WDR1: variants seen among roughly 807,000 people sequenced by gnomAD.
WDR1 encodes WD repeat domain 1.
A neutral mutation model predicts 71.9 loss-of-function variants in WDR1; 21 were observed. The ratio of observed to expected loss-of-function variants is 0.29; its 90% confidence interval spans 0.21 to 0.42. The LOEUF (loss-of-function observed/expected upper bound fraction) is 0.42. Among genes scored for constraint, WDR1 ranks in the 10% least tolerant of loss-of-function variants. The probability of loss-of-function intolerance (pLI) is 1.00; values close to 1 mark genes in which losing one functional copy is unlikely to be tolerated. For synonymous variants in WDR1, 424 were observed against 347.4 expected (o/e 1.22, Z -2.45); for missense variants, 696 against 824.5 (o/e 0.84, Z 1.91).
At chr4:10,102,874 T>C (rs1366011933) in intron 3 of WDR1, among the ~76,000 whole-genome samples, 1 of 152,196 alleles carries the variant, frequency 6.6e-6, no homozygotes, top group Admixed American at 6.5e-5. Context: ...ATCAGCTTAC[T>C]CACTTGGCCT....
chr4:10,103,043 G>A (rs983012208), intron 3 of WDR1, among the ~76,000 whole-genome samples: 1 of 152,084 alleles, frequency 6.6e-6, no homozygotes, highest in African/African-American at 2.4e-5. Flanking sequence ...AAAGCTCTGC[G>A]TCAAAGAACT....
At position 10,107,451 on chromosome 4, in the gene WDR1, G is replaced by A. The variant is rs138309035; in HGVS notation, c.139-3465C>T. On this transcript the variant is annotated intron_variant, in intron 2 of 14. Coordinates refer to ENST00000499869, the MANE Select transcript of WDR1 (RefSeq NM_017491.5). ...CCCGACCCTGATTACCTCACGGTCC[G>A]GCTTGCAACCCACCCTTCCTGAGCT... 3.7e-4 allele frequency among the ~76,000 whole-genome samples: 57 copies of A among 152,278 alleles called. No homozygotes were observed. In the South Asian group the frequency reaches 6.8e-3, roughly 18 times the overall value.
At chr4:10,088,448 T>C (rs1398964407) in intron 6 of WDR1, 75 bp from the exon 7 acceptor site, 5 of 1,435,584 alleles carry the variant, frequency 3.5e-6, no homozygotes, top group African/African-American at 1.4e-5. Flanking sequence ...CCATGGACTG[T>C]GGCTGTAGAA....
intron 10 of WDR1, among the ~76,000 whole-genome samples, chr4:10,081,676 A>AGGGGGGGG: frequency 9.7e-5 from 1 of 10,322 alleles, no homozygotes; most frequent in South Asian, 2.7e-3. Context: ...GGGGGGGGGA[A>AGGGGGGGG]GGAGGGGCGG....
intron 2 of WDR1, among the ~76,000 whole-genome samples, chr4:10,108,730 A>G (rs2108802426): frequency 6.6e-6 from 1 of 152,370 alleles, no homozygotes; most frequent in South Asian, 2.1e-4. Flanking sequence ...GCAGGAATGT[A>G]AACTTCTGCG....
At chr4:10,094,757 A>C (rs1328334637) in intron 5 of WDR1, 1 of 152,118 alleles carries the variant, frequency 6.6e-6, no homozygotes, top group Non-Finnish European at 1.5e-5. Context: ...CTCCACTCCC[A>C]TCTTCCTGGA....
chr4:10,102,515 T>C (rs781716604), intron 3 of WDR1, among the ~76,000 whole-genome samples: 6 of 152,204 alleles, frequency 3.9e-5, no homozygotes, highest in Non-Finnish European at 7.4e-5. Context: ...TCTTCTGCCA[T>C]GGACTGACAC....
chr4:10,083,527 G>A, intron 9 of WDR1: 1 of 478,144 alleles, frequency 2.1e-6, no homozygotes, highest in South Asian at 1.5e-5. Context: ...GGGGCAGAGG[G>A]TGGCATGTCT....
chr4:10,080,038 T>C (rs1459990711), intron 11 of WDR1, among the ~76,000 whole-genome samples: 1 of 152,186 alleles, frequency 6.6e-6, no homozygotes, highest in Admixed American at 6.5e-5. Context: ...GGGTTCCAGA[T>C]GCCCTGGGAG....
chr4:10,092,973 G>C (rs2109666723), intron 5 of WDR1: 4 of 1,032,374 alleles, frequency 3.9e-6, no homozygotes. Flanking sequence ...ACATAGCCAA[G>C]ACTGACCTGT....
intron 13 of WDR1, 59 bp from the exon 14 acceptor site, chr4:10,077,507 T>C (rs1045397573): frequency 3.1e-6 from 5 of 1,609,614 alleles, no homozygotes; most frequent in South Asian, 2.2e-5. Flanking sequence ...CAGTTGCCCA[T>C]ATCACCTCGC....
intron 2 of WDR1, among the ~76,000 whole-genome samples, chr4:10,106,965 C>G (rs1161081551): frequency 6.6e-6 from 1 of 152,102 alleles, no homozygotes; most frequent in African/African-American, 2.4e-5. Flanking sequence ...GTGTGCCCCT[C>G]TCCCCCCAGC....
intron 5 of WDR1, chr4:10,094,713 G>A (rs1412048402): frequency 6.6e-6 from 1 of 152,204 alleles, no homozygotes; most frequent in Non-Finnish European, 1.5e-5. Context: ...GTAGGAATGA[G>A]CCGGCACCCA....
chr4:10,084,385 A>G, intron 9 of WDR1, 58 bp downstream of exon 9: 1 of 1,528,178 alleles, frequency 6.5e-7, no homozygotes, highest in East Asian at 2.4e-5. Flanking sequence ...TCATGGGAAC[A>G]GGAAATTCCC....
intron 5 of WDR1, chr4:10,092,492 C>CA: frequency 6.5e-6 from 1 of 153,556 alleles, no homozygotes; most frequent in Non-Finnish European, 1.5e-5. Flanking sequence ...ACGCCTCCCA[C>CA]AGGCTCTGGC....
chr4:10,110,426 T>A (rs939537671), intron 2 of WDR1, among the ~76,000 whole-genome samples: 7 of 152,192 alleles, frequency 4.6e-5, no homozygotes, highest in African/African-American at 1.7e-4. Context: ...ATGGCTTCAG[T>A]ATCCCTCCCG....
At chr4:10,088,763 C>A (rs1371447277) in intron 5 of WDR1, 22 bp from the exon 6 acceptor site, 4 of 1,569,132 alleles carry the variant, frequency 2.5e-6, no homozygotes, top group East Asian at 2.3e-5. Context: ...CAATTACCTG[C>A]CTGATGAGGG....
chr4:10,084,614 G>A, intron 8 of WDR1, 84 bp from the exon 9 acceptor site: 6 of 1,284,558 alleles, frequency 4.7e-6, no homozygotes, highest in Non-Finnish European at 6.7e-6. Context: ...CGAAGCTTCT[G>A]GGTAATGGAG....
chr4:10,111,273 C>T (rs1713342319), intron 2 of WDR1, among the ~76,000 whole-genome samples: 1 of 152,204 alleles, frequency 6.6e-6, no homozygotes, highest in African/African-American at 2.4e-5. Context: ...CCCTCACGCT[C>T]AGTGCCACAG....
Sources: allele counts gnomAD v4.1 joint callset (sites outside exome capture counted in the v4.1 genomes callset), GRCh38; gene constraint gnomAD v4.1.1; transcripts MANE v1.5; gene names NCBI Gene and HGNC (gene_info 2026-07-23, HGNC 2026-07-21).